Variants in LRP1B observed in about 807,000 individuals in gnomAD.
LRP1B encodes the protein low-density lipoprotein receptor-related protein 1B.
In LRP1B, 217 loss-of-function variants were observed where a neutral mutation model predicts 556.6. The ratio of observed to expected loss-of-function variants is 0.39; its 90% CI spans 0.35 to 0.44. The LOEUF (loss-of-function observed/expected upper bound fraction) is 0.44, where lower values mean the gene tolerates loss of function less well. Among genes scored for constraint, LRP1B ranks in the 20% least tolerant of loss-of-function variants. The probability of loss-of-function intolerance (pLI) is 1.00; values close to 1 mark genes in which losing one functional copy is unlikely to be tolerated. For synonymous variants in LRP1B, 2,047 were observed against 1,865.8 expected (o/e 1.10, Z -2.50); for missense variants, 5,053 against 5,620.8 (o/e 0.90, Z 3.23).
intron 2 of LRP1B, among the ~76,000 whole-genome samples, chr2:141,539,263 C>A (rs1172377215): frequency 6.6e-6 from 1 of 152,056 alleles, no homozygotes; most frequent in Non-Finnish European, 1.5e-5. Context: ...GTTTTTCCAG[C>A]ATTTAGAGAA....
At chr2:140,572,776 C>A (rs1330508947) in intron 43 of LRP1B, among the ~76,000 whole-genome samples, 1 of 145,204 alleles carries the variant, frequency 6.9e-6, no homozygotes, top group Non-Finnish European at 1.5e-5. Context: ...TACGTATACA[C>A]AATGAGATAC....
At chr2:140,803,876 AC>A (rs1249833130) in intron 32 of LRP1B, among the ~76,000 whole-genome samples, 1 of 34,936 alleles carries the variant, frequency 2.9e-5, no homozygotes, top group African/African-American at 1.1e-4. Context: ...CACCCCCCCA[AC>A]CCCCCCAAAA....
chr2:141,429,745 G>A (rs1680496750), intron 3 of LRP1B, among the ~76,000 whole-genome samples: 1 of 152,074 alleles, frequency 6.6e-6, no homozygotes, highest in Non-Finnish European at 1.5e-5. Flanking sequence ...TGCGGTATTT[G>A]GTTTTCCATT....
intron 43 of LRP1B, among the ~76,000 whole-genome samples, chr2:140,542,235 A>G (rs559809939): frequency 6.6e-6 from 1 of 152,146 alleles, no homozygotes; most frequent in African/African-American, 2.4e-5. Flanking sequence ...TGTGTATAAC[A>G]AGTGTATTGT....
At position 142,045,391 on chromosome 2, in the gene LRP1B, G is replaced by A. The variant is rs185341267; in HGVS notation, c.82+85257C>T. Among the ~76,000 whole-genome samples the A allele has an allele frequency of 4.9e-4, 74 of 151,858 alleles. 1 individual carries two copies. Among genetic ancestry groups the A allele is most frequent in the African/African-American group, 1.8e-3 (73 of 41,490 alleles). The stretch of plus-strand genomic sequence containing the variant: ...GCTTTTCAAGGAACGTTCTCATACC[G>A]ATTGCAAATATTACGATGACACATC... On this transcript the variant is annotated intron_variant, in intron 1 of 90. Coordinates refer to ENST00000389484, the MANE Select transcript of LRP1B (RefSeq NM_018557.3).
At chr2:141,879,882 AC>A (rs552251677) in intron 1 of LRP1B, among the ~76,000 whole-genome samples, 2 of 151,950 alleles carry the variant, frequency 1.3e-5, no homozygotes, top group South Asian at 4.1e-4. Flanking sequence ...CTAGATTATC[AC>A]TATTTGTAGC....
intron 2 of LRP1B, among the ~76,000 whole-genome samples, chr2:141,782,791 C>G (rs1050404066): frequency 6.6e-6 from 1 of 151,812 alleles, no homozygotes; most frequent in Non-Finnish European, 1.5e-5. Flanking sequence ...TTCACAGAAG[C>G]TTTTTTTCCC....
intron 2 of LRP1B, among the ~76,000 whole-genome samples, chr2:141,555,601 T>C (rs1027335404): frequency 2.0e-5 from 3 of 152,054 alleles, no homozygotes; most frequent in Middle Eastern, 3.4e-3. Context: ...TTGCCTAAAA[T>C]TTCTGCAGTG....
chr2:141,765,524 T>C (rs1232958526), intron 2 of LRP1B, among the ~76,000 whole-genome samples: 2 of 152,094 alleles, frequency 1.3e-5, no homozygotes, highest in Non-Finnish European at 2.9e-5. Flanking sequence ...GTAGTAGCAA[T>C]ACCAACAGAG....
intron 1 of LRP1B, among the ~76,000 whole-genome samples, chr2:142,128,984 C>T (rs181254748): frequency 6.6e-6 from 1 of 152,284 alleles, no homozygotes; most frequent in East Asian, 1.9e-4. Context: ...GCATTGAGAA[C>T]TCAGCTTTAG....
chr2:140,561,018 A>G (rs908775576), intron 43 of LRP1B, among the ~76,000 whole-genome samples: 5 of 152,170 alleles, frequency 3.3e-5, no homozygotes, highest in Non-Finnish European at 5.9e-5. Flanking sequence ...AAGCAGCCTC[A>G]GAAGCAAAGT....
At chr2:140,803,290 T>TTTTTTTTTTTTTTTTTTTTC (rs869303438) in intron 32 of LRP1B, among the ~76,000 whole-genome samples, 7 of 115,258 alleles carry the variant, frequency 6.1e-5, no homozygotes, top group African/African-American at 2.4e-4. Context: ...TTTTTTTTTT[T>TTTTTTTTTTTTTTTTTTTTC]CCGAGATGGA....
intron 27 of LRP1B, among the ~76,000 whole-genome samples, chr2:140,852,042 T>A (rs1692475557): frequency 6.6e-6 from 1 of 152,276 alleles, no homozygotes; most frequent in African/African-American, 2.4e-5. Context: ...TGCTTCGAGG[T>A]AGTGGCCGGA....
At chr2:141,307,135 A>T (rs1686622050) in intron 3 of LRP1B, among the ~76,000 whole-genome samples, 1 of 152,002 alleles carries the variant, frequency 6.6e-6, no homozygotes, top group Non-Finnish European at 1.5e-5. Flanking sequence ...TCTAATGTGC[A>T]GTTTAAATCC....
In LRP1B at chr2:140,502,875, C is replaced by G. The variant is rs931706348; in HGVS notation, c.8662+88G>C. 8.3e-6 allele frequency: 11 copies of G among 1,324,116 alleles called. No individual in the cohort carries two copies. The South Asian group carries it at 9.7e-5, about 12-fold the overall frequency. The allele number at this position is 1,324,116 out of a possible 1,614,324, so 82.0% of individuals were successfully genotyped here. A position where few individuals can be genotyped will look rare whatever the true frequency, so the allele number is the denominator to read the frequency against. On this transcript the variant is annotated intron_variant, in intron 54 of 90. Transcript: ENST00000389484. ...ACATGCTTAATAATTTGCATTTTCT[C>G]TCATTGAATACTATACTAGACAGAA...
At chr2:140,573,446 A>G (rs563793240) in intron 43 of LRP1B, among the ~76,000 whole-genome samples, 1 of 152,072 alleles carries the variant, frequency 6.6e-6, no homozygotes, top group East Asian at 1.9e-4. Context: ...AACGATTTAA[A>G]GATTTTCAAA....
intron 66 of LRP1B, among the ~76,000 whole-genome samples, chr2:140,392,917 G>A (rs1401116): frequency 6.6e-6 from 1 of 150,720 alleles, no homozygotes; most frequent in Non-Finnish European, 1.5e-5. Flanking sequence ...TTATATGTAG[G>A]CCTTTCATAT....
chr2:141,767,108 G>A (rs902593383), intron 2 of LRP1B, among the ~76,000 whole-genome samples: 2 of 151,982 alleles, frequency 1.3e-5, no homozygotes, highest in Non-Finnish European at 2.9e-5. Flanking sequence ...CAGGCAAAAA[G>A]CCGTGATAGA....
At chr2:140,505,299 G>A (rs898432816) in intron 53 of LRP1B, among the ~76,000 whole-genome samples, 1 of 152,256 alleles carries the variant, frequency 6.6e-6, no homozygotes, top group East Asian at 1.9e-4. Flanking sequence ...CTAGTAAACA[G>A]AAGATCCAGG....
Sources: allele counts gnomAD v4.1 joint callset (sites outside exome capture counted in the v4.1 genomes callset), GRCh38; gene constraint gnomAD v4.1.1; transcripts MANE v1.5; gene names NCBI Gene and HGNC (gene_info 2026-07-23, HGNC 2026-07-21).